Variants in CFAP47 observed in about 807,000 individuals in gnomAD.
The protein encoded by CFAP47 is cilia- and flagella-associated protein 47.
CFAP47 carries 29 observed loss-of-function variants against 148.1 expected under a neutral mutation model. That is an observed-to-expected ratio of 0.20 (90% CI 0.15 to 0.27). The LOEUF (loss-of-function observed/expected upper bound fraction) is 0.27. Ranked by LOEUF, CFAP47 falls within the 10% of genes least tolerant of loss-of-function variation. The pLI, the probability that CFAP47 is intolerant of heterozygous loss-of-function variation, is 1.00. For synonymous variants in CFAP47, 664 were observed against 577.3 expected (o/e 1.15, Z -2.15); for missense variants, 1,872 against 1,697.5 (o/e 1.10, Z -1.81).
At chrX:36,032,173 T>TA (rs1937287305) in intron 23 of CFAP47, among the ~76,000 whole-genome samples, 1 of 111,170 alleles carries the variant, frequency 9.0e-6, no homozygotes, top group African/African-American at 3.3e-5. Flanking sequence ...GGATTTCAGA[T>TA]AAAAACAATA....
intron 53 of CFAP47, among the ~76,000 whole-genome samples, 154 bp downstream of exon 53, chrX:36,301,333 T>C (rs989358274): frequency 9.0e-6 from 1 of 110,893 alleles, no homozygotes; most frequent in Non-Finnish European, 1.9e-5. Flanking sequence ...ATATGTAAAC[T>C]ACCCTGTGGA....
intron 25 of CFAP47, among the ~76,000 whole-genome samples, chrX:36,040,356 A>C (rs1937388555): frequency 1.8e-5 from 2 of 112,108 alleles, no homozygotes; most frequent in Admixed American, 9.5e-5. Flanking sequence ...AAATATGACT[A>C]GTCCTTCATA....
chrX:36,102,877 A>G (rs1938399710), intron 32 of CFAP47, among the ~76,000 whole-genome samples: 1 of 112,045 alleles, frequency 8.9e-6, no homozygotes, highest in Non-Finnish European at 1.9e-5. Flanking sequence ...TCCATTAAAC[A>G]TCTATACAAA....
At position 36,379,416 on chromosome X, in the gene CFAP47, G is replaced by A; in HGVS notation, c.9252G>A (p.Gln3084=). 8.6e-7 allele frequency: 1 copy of A among 1,165,908 alleles called. No homozygotes were observed. Among genetic ancestry groups the A allele is most frequent in the Non-Finnish European group, 1.1e-6 (1 of 871,179 alleles). Residue 3084 remains glutamine, a synonymous_variant, in exon 63 of 64, where the codon CAG becomes CAA. Coordinates refer to ENST00000378653, the MANE Select transcript of CFAP47 (RefSeq NM_001304548.2). ...ATCTGGAGTTTTTTGTAAAACCTCA[G>A]GCTGGAGAACTTCTTCCTTTTAACA... The part of the protein sequence containing the change: ...GSDLEFFVKP[Q]AGELLPFNTN...
At chrX:36,239,773 C>T (rs1270458814) in intron 48 of CFAP47, among the ~76,000 whole-genome samples, 2 of 111,430 alleles carry the variant, frequency 1.8e-5, no homozygotes, top group Admixed American at 9.6e-5. Flanking sequence ...ACAAGCAGGC[C>T]GCACGGATGT....
intron 51 of CFAP47, among the ~76,000 whole-genome samples, chrX:36,296,055 G>A (rs1013800011): frequency 2.7e-5 from 3 of 111,874 alleles, no homozygotes; most frequent in Non-Finnish European, 1.9e-5. Context: ...CTCTCTGGAA[G>A]GCTGCTCTGT....
chrX:36,072,608 A>C, intron 28 of CFAP47, among the ~76,000 whole-genome samples: 1 of 112,177 alleles, frequency 8.9e-6, no homozygotes, highest in Non-Finnish European at 1.9e-5. Flanking sequence ...TTTAGTGAGT[A>C]TGTGATTGTG....
intron 57 of CFAP47, among the ~76,000 whole-genome samples, chrX:36,341,737 AAATAAT>A (rs781997949): frequency 9.0e-6 from 1 of 110,604 alleles, no homozygotes; most frequent in Non-Finnish European, 1.9e-5. Context: ...AGCAAAGCAC[AAATAAT>A]AATAATAATA....
At chrX:36,157,766 T>C (rs1939386262) in intron 37 of CFAP47, among the ~76,000 whole-genome samples, 1 of 110,914 alleles carries the variant, frequency 9.0e-6, no homozygotes, top group African/African-American at 3.3e-5. Flanking sequence ...ATCAATTGCA[T>C]GAAAGAATTA....
rs146922206 is a variant in CFAP47 at position 36,321,474 on chromosome X, T to A, written c.8443+2167T>A. On this transcript the variant is annotated intron_variant, in intron 57 of 63. Transcript: ENST00000378653. ...TCTGGTATTTCATAACACAACAAAG[T>A]GACTATAGTAAAAAATAATTTAATT... is the stretch of plus-strand genomic sequence containing the variant. 6.5e-3 allele frequency among the ~76,000 whole-genome samples: 728 copies of A among 111,347 alleles called. 9 individuals carry two copies. The highest frequency in any genetic ancestry group is 0.022 in the African/African-American group (672 of 30,683).
chrX:36,079,090 C>T (rs978786933), intron 29 of CFAP47, among the ~76,000 whole-genome samples: 4 of 111,731 alleles, frequency 3.6e-5, no homozygotes, highest in Non-Finnish European at 7.5e-5. Flanking sequence ...CCCGACCTTT[C>T]TCTCTGGCTG....
At chrX:36,377,396 G>C (rs969645907) in intron 62 of CFAP47, among the ~76,000 whole-genome samples, 11 of 112,111 alleles carry the variant, frequency 9.8e-5, no homozygotes, top group Non-Finnish European at 1.9e-4. Flanking sequence ...ATTTTTTCAT[G>C]TGTCTGTTGG....
intron 35 of CFAP47, among the ~76,000 whole-genome samples, chrX:36,138,830 AAT>A (rs1461291529): frequency 2.7e-5 from 3 of 111,342 alleles, no homozygotes; most frequent in Non-Finnish European, 1.9e-5. Flanking sequence ...TAGTAGCAAA[AAT>A]AAATTTTCAC....
chrX:36,094,612 T>A (rs1434448898), intron 30 of CFAP47, among the ~76,000 whole-genome samples: 2 of 111,229 alleles, frequency 1.8e-5, no homozygotes, highest in Admixed American at 9.5e-5. Context: ...AATTCCTTGG[T>A]ACTTAATTTT....
At chrX:36,384,311 A>T (rs1043426173) in intron 63 of CFAP47, among the ~76,000 whole-genome samples, 1 of 111,620 alleles carries the variant, frequency 9.0e-6, no homozygotes, top group African/African-American at 3.3e-5. Context: ...ACTGCACTCC[A>T]GCCTGGGTGA....
At chrX:36,173,348 G>A (rs1205487749) in intron 39 of CFAP47, among the ~76,000 whole-genome samples, 9 of 111,011 alleles carry the variant, frequency 8.1e-5, no homozygotes, top group South Asian at 3.8e-4. Context: ...CTAGCTTTTG[G>A]ATGTGTTTGC....
chrX:36,237,855 C>T (rs1331933163), intron 48 of CFAP47, among the ~76,000 whole-genome samples: 1 of 110,855 alleles, frequency 9.0e-6, no homozygotes, highest in African/African-American at 3.3e-5. Flanking sequence ...TTACTCTTTG[C>T]TTTTTTTGTA....
intron 26 of CFAP47, among the ~76,000 whole-genome samples, chrX:36,051,846 C>A (rs1314981848): frequency 9.0e-6 from 1 of 111,028 alleles, no homozygotes; most frequent in Non-Finnish European, 1.9e-5. Flanking sequence ...CCCCATATGT[C>A]ATGGGAGGGA....
intron 26 of CFAP47, among the ~76,000 whole-genome samples, chrX:36,048,425 G>C (rs5973564): frequency 0.25 from 27,755 of 110,157 alleles, 4,824 homozygotes; most frequent in African/African-American, 0.61. Context: ...AAAAATATAA[G>C]ACTGATTTCT....
Sources: allele counts gnomAD v4.1 joint callset (sites outside exome capture counted in the v4.1 genomes callset), GRCh38; gene constraint gnomAD v4.1.1; transcripts MANE v1.5; gene names NCBI Gene and HGNC (gene_info 2026-07-23, HGNC 2026-07-21).